Variants in DNAH8 observed in about 807,000 individuals in gnomAD.
DNAH8 encodes dynein axonemal heavy chain 8.
In DNAH8, 382 loss-of-function variants were observed where a neutral mutation model predicts 562.1. The ratio of observed to expected loss-of-function variants is 0.68; its 90% CI spans 0.63 to 0.74. DNAH8 has a LOEUF of 0.74. DNAH8 is among the 30% of genes least tolerant of loss of function. The pLI, the probability that DNAH8 is intolerant of heterozygous loss-of-function variation, is 0.00. For missense variants in DNAH8, 5,203 were observed against 5,620.4 expected, an observed-to-expected ratio of 0.93 and a Z score of 2.37; for synonymous variants, 1,881 against 1,919.4, an observed-to-expected ratio of 0.98 and a Z score of 0.52.
At chr6:39,025,010 A>G (rs990867265) in intron 91 of DNAH8, among the ~76,000 whole-genome samples, 1 of 152,200 alleles carries the variant, frequency 6.6e-6, no homozygotes, top group South Asian at 2.1e-4. Flanking sequence ...ATAAAGCCAA[A>G]CCATTTGAAT....
At chr6:38,924,756 G>A (rs1781976481) in intron 73 of DNAH8, among the ~76,000 whole-genome samples, 2 of 152,166 alleles carry the variant, frequency 1.3e-5, no homozygotes, top group South Asian at 2.1e-4. Context: ...CTCCTGTGAA[G>A]TCATACTCTC....
rs1440106662 is a variant in DNAH8 at position 38,868,153 on chromosome 6, G to A, written c.6785G>A (p.Ser2262Asn). ...GCCAGACCAGAAGATAGTGAATTAA[G>A]CATTGTCATGAGAGGACTAAGAGAT... ...KRARPEDSEL[S>N]IVMRGLRDMN... is the part of the protein sequence containing the mutation. Residue 2262 changes from serine to asparagine, a missense_variant, in exon 48 of 93, where the codon AGC (serine) becomes AAC (asparagine). By Grantham distance (46) the Ser-to-Asn change is conservative. Coordinates refer to ENST00000327475, the MANE Select transcript of DNAH8 (RefSeq NM_001206927.2). 2.5e-6 allele frequency: 4 copies of A among 1,613,754 alleles called. No individual in the cohort carries two copies. In the African/African-American group the frequency reaches 4.0e-5, roughly 16 times the overall value.
intron 57 of DNAH8, among the ~76,000 whole-genome samples, chr6:38,887,668 C>T (rs1426465423): frequency 6.6e-6 from 1 of 152,098 alleles, no homozygotes; most frequent in Non-Finnish European, 1.5e-5. Flanking sequence ...GATCACATTG[C>T]TGCATTCGAG....
At chr6:38,813,788 A>G (rs934729590) in intron 24 of DNAH8, among the ~76,000 whole-genome samples, 1 of 152,190 alleles carries the variant, frequency 6.6e-6, no homozygotes, top group Non-Finnish European at 1.5e-5. Context: ...CCTTTAGTAA[A>G]CATTGTTAAA....
intron 21 of DNAH8, among the ~76,000 whole-genome samples, chr6:38,798,638 T>C (rs1770513451): frequency 6.6e-6 from 1 of 152,246 alleles, no homozygotes; most frequent in Admixed American, 6.5e-5. Context: ...TATGTCTAAG[T>C]TTCTTACCCT....
intron 79 of DNAH8, among the ~76,000 whole-genome samples, chr6:38,943,422 A>AG (rs1449570580): frequency 1.3e-5 from 2 of 152,196 alleles, no homozygotes; most frequent in Non-Finnish European, 2.9e-5. Flanking sequence ...TCAATACTTA[A>AG]GGGGGAGAGT....
At chr6:38,754,491 C>A (rs993617524) in intron 9 of DNAH8, among the ~76,000 whole-genome samples, 3 of 152,136 alleles carry the variant, frequency 2.0e-5, no homozygotes, top group African/African-American at 7.2e-5. Flanking sequence ...TAGTTATACC[C>A]CACACCTAGG....
chr6:38,803,196 G>A lies in DNAH8; in HGVS notation c.2919G>A (p.Trp973Ter), dbSNP rs767180208. 97 of 1,599,350 alleles carry A rather than the reference G, an allele frequency of 6.1e-5. No homozygotes were observed. Among genetic ancestry groups the A allele is most frequent in the Non-Finnish European group, 8.2e-5 (96 of 1,173,198 alleles). The change falls in exon 22 of 93, where the codon TGG becomes TGA. Residue 973 changes from tryptophan to a stop codon, truncating the protein, a stop_gained. Coordinates refer to ENST00000327475, the MANE Select transcript of DNAH8 (RefSeq NM_001206927.2). LOFTEE classifies it high-confidence loss of function. Reference sequence around the variant, plus strand: ...TTTAACAGACATACACAAAAGAATGGGCTGACATTCTAAACCACAAAAGTA... The same window carrying A: ...TTTAACAGACATACACAAAAGAATGAGCTGACATTCTAAACCACAAAAGTA... ...LTLNETYTKE[W>*]ADILNHKSKH...
At chr6:38,986,559 T>C (rs901070030) in intron 87 of DNAH8, among the ~76,000 whole-genome samples, 3 of 149,736 alleles carry the variant, frequency 2.0e-5, no homozygotes, top group Non-Finnish European at 4.5e-5. Context: ...ACCTCTGTAT[T>C]TGAGATTCAA....
At chr6:38,985,177 C>G (rs1764303016) in intron 87 of DNAH8, among the ~76,000 whole-genome samples, 1 of 152,158 alleles carries the variant, frequency 6.6e-6, no homozygotes, top group Admixed American at 6.5e-5. Flanking sequence ...TAAATATTTT[C>G]TAGAGAAAAT....
At chr6:38,992,042 C>T (rs1358013064) in intron 88 of DNAH8, among the ~76,000 whole-genome samples, 1 of 151,980 alleles carries the variant, frequency 6.6e-6, no homozygotes, top group Non-Finnish European at 1.5e-5. Flanking sequence ...CTTGGCTCAC[C>T]ACAATCTCCG....
chr6:38,786,747 A>G lies in DNAH8; in HGVS notation c.2396-18A>G, dbSNP rs1185720411. The G allele has an allele frequency of 6.2e-7, 1 of 1,606,934 alleles. No homozygotes were observed. The highest frequency in any genetic ancestry group is 8.5e-7 in the Non-Finnish European group (1 of 1,177,320). ...AGGAAATTCAGAATGAGTAATGTCAATCATTATTTATTTGTAGCTTTACAA... is the reference window on the plus strand; with the variant it reads ...AGGAAATTCAGAATGAGTAATGTCAGTCATTATTTATTTGTAGCTTTACAA... On this transcript the variant is annotated intron_variant, in intron 17 of 92. Coordinates refer to ENST00000327475, the MANE Select transcript of DNAH8 (RefSeq NM_001206927.2).
chr6:38,722,962 A>G lies in DNAH8; in HGVS notation c.153A>G (p.Ala51=). 1 of 1,612,840 alleles carries G rather than the reference A, an allele frequency of 6.2e-7. No homozygotes were observed. The highest frequency in any genetic ancestry group is 8.5e-7 in the Non-Finnish European group (1 of 1,179,878). The change falls in exon 2 of 93, where the codon GCA becomes GCG. Residue 51 remains alanine, a synonymous_variant. Coordinates refer to ENST00000327475, the MANE Select transcript of DNAH8 (RefSeq NM_001206927.2). ...CAGAAGATGGTTTCTCTCCTTCCGC[A>G]GAAGATGCTGTTTCTTCTGTGGTGG... The part of the protein sequence containing the change: ...APAEDGFSPS[A]EDAVSSVVDY...
chr6:38,948,113 G>C (rs1761580638), intron 80 of DNAH8, among the ~76,000 whole-genome samples: 1 of 151,996 alleles, frequency 6.6e-6, no homozygotes, highest in Non-Finnish European at 1.5e-5. Context: ...CAGAATAACT[G>C]TTCTGTTATT....
chr6:38,943,990 A>C (rs1236562754), intron 79 of DNAH8, among the ~76,000 whole-genome samples: 1 of 151,976 alleles, frequency 6.6e-6, no homozygotes, highest in African/African-American at 2.4e-5. Context: ...ATTTTGGGGG[A>C]ATAGGAAGGG....
At chr6:39,025,416 G>T (rs989358976) in intron 91 of DNAH8, among the ~76,000 whole-genome samples, 1 of 152,162 alleles carries the variant, frequency 6.6e-6, no homozygotes, top group Non-Finnish European at 1.5e-5. Context: ...CCCACATAGT[G>T]CAGGGCTTGG....
intron 91 of DNAH8, among the ~76,000 whole-genome samples, chr6:39,020,243 C>T (rs375813732): frequency 2.0e-5 from 3 of 152,220 alleles, no homozygotes; most frequent in East Asian, 1.9e-4. Context: ...CTCAAGGGGC[C>T]CTGGAAAGAG....
Position 38,909,512 on chromosome 6 carries a change from C to G in DNAH8, c.9514-6C>G. On this transcript the variant is annotated splice_region_variant and splice_polypyrimidine_tract_variant and intron_variant, in intron 64 of 92. Coordinates refer to ENST00000327475, the MANE Select transcript of DNAH8 (RefSeq NM_001206927.2). ...TTCTAATGTTTGTTGACTTTGCTATCAATAGGTTGGTGAGAAGTTCCGTGC... is the reference window on the plus strand; with the variant it reads ...TTCTAATGTTTGTTGACTTTGCTATGAATAGGTTGGTGAGAAGTTCCGTGC... The G allele has an allele frequency of 5.0e-6, 8 of 1,613,736 alleles. No homozygotes were observed. The highest frequency in any genetic ancestry group is 6.8e-6 in the Non-Finnish European group (8 of 1,179,724).
In DNAH8 at chr6:38,863,146, C is replaced by T. The variant is rs574188619; in HGVS notation, c.6310+688C>T. ...GGTGCAGATTCACTATGTTTAAAACCAAACTCCCGGCCGGGCACGGCTCAC... is the reference window on the plus strand; with the variant it reads ...GGTGCAGATTCACTATGTTTAAAACTAAACTCCCGGCCGGGCACGGCTCAC... On this transcript the variant is annotated intron_variant, in intron 44 of 92. Coordinates refer to ENST00000327475, the MANE Select transcript of DNAH8 (RefSeq NM_001206927.2). Among the ~76,000 whole-genome samples, 5 of 152,182 alleles carry T rather than the reference C, an allele frequency of 3.3e-5. No individual in the cohort carries two copies. The East Asian group carries it at 5.8e-4, about 18-fold the overall frequency.
Sources: gnomAD v4.1 joint callset for allele counts (sites outside exome capture counted in the v4.1 genomes callset) on GRCh38, gnomAD v4.1.1 for gene constraint, MANE v1.5 for transcripts, NCBI Gene and HGNC (gene_info 2026-07-23, HGNC 2026-07-21) for gene names.